The following CERS6 variants were observed in gnomAD, a reference collection of about 807,000 sequenced individuals.
CERS6 encodes LAG1 homolog, ceramide synthase 6.
A neutral mutation model predicts 56.8 loss-of-function variants in CERS6; 26 were observed. That is an observed-to-expected ratio of 0.46 (90% CI 0.34 to 0.63). The LOEUF is 0.63. Among genes scored for constraint, CERS6 ranks in the 30% least tolerant of loss-of-function variants. CERS6 has a pLI of 0.01. For missense variants in CERS6, 415 were observed against 467.5 expected (o/e 0.89, Z 1.04); for synonymous variants, 164 against 173.3 (o/e 0.95, Z 0.42).
At chr2:168,662,911 A>G (rs1174822915) in intron 4 of CERS6, among the ~76,000 whole-genome samples, 1 of 152,244 alleles carries the variant, frequency 6.6e-6, no homozygotes, top group East Asian at 1.9e-4. Flanking sequence ...TTTGCCATGA[A>G]GAGAAGTCAG....
At chr2:168,483,494 G>A (rs1357184266) in intron 1 of CERS6, among the ~76,000 whole-genome samples, 1 of 152,114 alleles carries the variant, frequency 6.6e-6, no homozygotes, top group East Asian at 1.9e-4. Flanking sequence ...TTTTAACCGA[G>A]AAAACAGACT....
At chr2:168,572,538 A>G (rs746221758) in intron 3 of CERS6, among the ~76,000 whole-genome samples, 56 of 151,002 alleles carry the variant, frequency 3.7e-4, no homozygotes, top group Non-Finnish European at 1.3e-4. Flanking sequence ...ACGTATATAT[A>G]TAATATTATG....
intron 1 of CERS6, among the ~76,000 whole-genome samples, chr2:168,499,155 T>C (rs1694533682): frequency 6.6e-6 from 1 of 152,150 alleles, no homozygotes; most frequent in Non-Finnish European, 1.5e-5. Flanking sequence ...GGGACCCCTA[T>C]GGTCAAGGGA....
Position 168,742,126 on chromosome 2 carries a change from G to A in CERS6, c.846-23466G>A. Among the ~76,000 whole-genome samples the A allele has an allele frequency of 1.3e-5, 2 of 152,134 alleles. 1 individual carries two copies. Among genetic ancestry groups the A allele is most frequent in the Non-Finnish European group, 2.9e-5 (2 of 68,026 alleles). On this transcript the variant is annotated intron_variant, in intron 8 of 9. Coordinates refer to ENST00000305747, the MANE Select transcript of CERS6 (RefSeq NM_203463.3). ...TGGTGTTGCAGTTTGCTTCAGTTCT[G>A]CATGTTATGTTGTTCACTTTAAATG... is the stretch of plus-strand genomic sequence containing the variant.
At chr2:168,768,919 A>G (rs1032986779) in intron 9 of CERS6, among the ~76,000 whole-genome samples, 329 of 150,708 alleles carry the variant, frequency 2.2e-3, no homozygotes, top group African/African-American at 7.8e-3. Context: ...AAAAAAAAAA[A>G]AAAGAAAAGA....
intron 3 of CERS6, among the ~76,000 whole-genome samples, chr2:168,607,312 T>C (rs1684075384): frequency 6.6e-6 from 1 of 152,212 alleles, no homozygotes; most frequent in Non-Finnish European, 1.5e-5. Flanking sequence ...TTATAAGAGA[T>C]AATTCATTAC....
chr2:168,672,129 C>G (rs2105340231), intron 4 of CERS6, among the ~76,000 whole-genome samples: 1 of 152,282 alleles, frequency 6.6e-6, no homozygotes, highest in Admixed American at 6.5e-5. Flanking sequence ...TAATGGTTGC[C>G]TCATGGATAC....
At chr2:168,703,841 C>T (rs1574174928) in intron 6 of CERS6, among the ~76,000 whole-genome samples, 1 of 152,128 alleles carries the variant, frequency 6.6e-6, no homozygotes, top group Admixed American at 6.5e-5. Context: ...AGTTCAGTTT[C>T]CTCTGAGGTA....
At chr2:168,610,016 T>C (rs1312072272) in intron 3 of CERS6, among the ~76,000 whole-genome samples, 1 of 141,870 alleles carries the variant, frequency 7.0e-6, no homozygotes, top group Non-Finnish European at 1.5e-5. Flanking sequence ...CTCGCTATGT[T>C]GCCCAGGCTG....
At chr2:168,517,185 G>A (rs1694897559) in intron 1 of CERS6, among the ~76,000 whole-genome samples, 1 of 151,530 alleles carries the variant, frequency 6.6e-6, no homozygotes, top group Non-Finnish European at 1.5e-5. Context: ...TTGGGATCAG[G>A]AGGATGATTA....
intron 1 of CERS6, among the ~76,000 whole-genome samples, chr2:168,496,693 T>C (rs1694478009): frequency 6.6e-6 from 1 of 152,228 alleles, no homozygotes; most frequent in African/African-American, 2.4e-5. Context: ...CATCATTATT[T>C]GTAGAGTACT....
At chr2:168,724,304 G>A (rs1327304809) in intron 8 of CERS6, among the ~76,000 whole-genome samples, 2 of 152,188 alleles carry the variant, frequency 1.3e-5, no homozygotes, top group Non-Finnish European at 2.9e-5. Context: ...CCTTTACGGT[G>A]AGTGTTACAG....
At chr2:168,701,023 GTAT>G (rs1197032664) in intron 6 of CERS6, among the ~76,000 whole-genome samples, 1 of 152,148 alleles carries the variant, frequency 6.6e-6, no homozygotes, top group Non-Finnish European at 1.5e-5. Context: ...CTGGGCTGGA[GTAT>G]TATAGTTGCC....
chr2:168,645,136 TATATATAGAGAGAGAG>T (rs1304259729), intron 4 of CERS6, among the ~76,000 whole-genome samples: 12 of 35,492 alleles, frequency 3.4e-4, no homozygotes, highest in Non-Finnish European at 4.4e-4. Context: ...TATATATATA[TATATATAGAGAGAGAG>T]AGAGAGAGAG....
At chr2:168,765,271 T>G (rs978668586) in intron 8 of CERS6, among the ~76,000 whole-genome samples, 1 of 152,214 alleles carries the variant, frequency 6.6e-6, no homozygotes, top group African/African-American at 2.4e-5. Flanking sequence ...TACACAACAA[T>G]GTGAATGTAC....
intron 1 of CERS6, among the ~76,000 whole-genome samples, chr2:168,484,326 C>T (rs1268546246): frequency 6.6e-6 from 1 of 151,600 alleles, no homozygotes; most frequent in Non-Finnish European, 1.5e-5. Context: ...GGATTATAGG[C>T]ATTCACCTCC....
chr2:168,537,937 G>C lies in CERS6; in HGVS notation c.171-9659G>C, dbSNP rs576372558. Among the ~76,000 whole-genome samples, 18 of 152,208 alleles carry C rather than the reference G, an allele frequency of 1.2e-4. No individual in the cohort carries two copies. The South Asian group carries it at 2.1e-3, about 18-fold the overall frequency. On this transcript the variant is annotated intron_variant, in intron 1 of 9. Transcript: ENST00000305747. ...AACCCCCATGCCAGGGCAAAACCTTGTTGTTACCTCTTATTCCTCTCTTGC... is the reference window on the plus strand; with the variant it reads ...AACCCCCATGCCAGGGCAAAACCTTCTTGTTACCTCTTATTCCTCTCTTGC...
At chr2:168,716,241 A>G (rs997145445) in intron 7 of CERS6, among the ~76,000 whole-genome samples, 1 of 152,166 alleles carries the variant, frequency 6.6e-6, no homozygotes, top group Admixed American at 6.5e-5. Flanking sequence ...TCTATTCAGC[A>G]TATTTTTTAG....
chr2:168,679,091 A>G (rs1178950698), intron 4 of CERS6, among the ~76,000 whole-genome samples: 7 of 152,146 alleles, frequency 4.6e-5, no homozygotes, highest in Non-Finnish European at 7.4e-5. Flanking sequence ...AGAATGACAA[A>G]TACTGTATGA....
Sources: gnomAD v4.1 joint callset for allele counts (sites outside exome capture counted in the v4.1 genomes callset) on GRCh38, gnomAD v4.1.1 for gene constraint, MANE v1.5 for transcripts, NCBI Gene and HGNC (gene_info 2026-07-23, HGNC 2026-07-21) for gene names.